Variants in FLACC1 observed in about 807,000 individuals in gnomAD.
The protein encoded by FLACC1 is flagellum-associated coiled-coil domain-containing protein 1.
A neutral mutation model predicts 62.8 loss-of-function variants in FLACC1; 66 were observed. The observed-to-expected ratio is 1.05, with a 90% CI of 0.86 to 1.29. The LOEUF is 1.29. Among genes scored for constraint, FLACC1 ranks in the 50% most tolerant of loss-of-function variants. FLACC1 has a pLI of 0.00. For missense variants in FLACC1, 452 were observed against 489.1 expected, an observed-to-expected ratio of 0.92 and a Z score of 0.71; for synonymous variants, 156 against 161.0, an observed-to-expected ratio of 0.97 and a Z score of 0.24.
At chr2:201,339,309 T>C (rs1452913516) in intron 7 of FLACC1, among the ~76,000 whole-genome samples, 12 of 152,134 alleles carry the variant, frequency 7.9e-5, no homozygotes, top group Non-Finnish European at 1.0e-4. Flanking sequence ...CTCTTGTCTT[T>C]TTTTGGTTAG....
At chr2:201,335,713 A>G (rs1950681485) in intron 7 of FLACC1, among the ~76,000 whole-genome samples, 1 of 152,108 alleles carries the variant, frequency 6.6e-6, no homozygotes, top group Admixed American at 6.6e-5. Flanking sequence ...TGTGAAGAAC[A>G]TTTTTGGTAT....
intron 7 of FLACC1, among the ~76,000 whole-genome samples, chr2:201,334,562 T>C (rs1950655637): frequency 1.3e-5 from 2 of 152,116 alleles, no homozygotes; most frequent in Admixed American, 1.3e-4. Context: ...GGCAGGCAGA[T>C]CACTTGAGGT....
Position 201,289,797 on chromosome 2 carries a change from G to A in FLACC1, c.943-12C>T, listed in dbSNP as rs1360159595. On this transcript the variant is annotated splice_polypyrimidine_tract_variant and intron_variant, in intron 12 of 14. Coordinates refer to ENST00000392257, the MANE Select transcript of FLACC1 (RefSeq NM_001127391.3). ...TCTTCCTGCATGACCTGCATAAGAA[G>A]AAGCTGTTGCAGGACATCATGCCAA... 1 of 1,614,084 alleles carries A rather than the reference G, an allele frequency of 6.2e-7. No individual in the cohort carries two copies. The highest frequency in any genetic ancestry group is 8.5e-7 in the Non-Finnish European group (1 of 1,180,034).
At chr2:201,309,538 G>C (rs1950173274) in intron 9 of FLACC1, among the ~76,000 whole-genome samples, 1 of 152,168 alleles carries the variant, frequency 6.6e-6, no homozygotes, top group Non-Finnish European at 1.5e-5. Context: ...AGCTTCCTTT[G>C]AAGAAAGGTA....
Position 201,303,511 on chromosome 2 carries a change from G to A in FLACC1, c.879+4008C>T, listed in dbSNP as rs938744126. Among the ~76,000 whole-genome samples, 4 of 152,200 alleles carry A rather than the reference G, an allele frequency of 2.6e-5. No individual in the cohort carries two copies. The South Asian group carries it at 8.3e-4, about 32-fold the overall frequency. ...AATTCTACCAGAGGTACAAGGAGGAGCTGGTACCATTCCTTTGAAACTATT... is the reference window on the plus strand; with the variant it reads ...AATTCTACCAGAGGTACAAGGAGGAACTGGTACCATTCCTTTGAAACTATT... On this transcript the variant is annotated intron_variant, in intron 11 of 14. Transcript: ENST00000392257.
intron 10 of FLACC1, among the ~76,000 whole-genome samples, chr2:201,308,614 G>A (rs1950153680): frequency 6.6e-6 from 1 of 152,092 alleles, no homozygotes; most frequent in Admixed American, 6.6e-5. Context: ...GTCCAATGGG[G>A]GTGGGAGGTG....
intron 7 of FLACC1, among the ~76,000 whole-genome samples, chr2:201,336,631 G>A (rs1033137077): frequency 6.6e-6 from 1 of 152,158 alleles, no homozygotes; most frequent in South Asian, 2.1e-4. Context: ...CCCACCAATA[G>A]TGTATAGCAT....
chr2:201,327,468 A>AG (rs1950517391), intron 9 of FLACC1, among the ~76,000 whole-genome samples: 1 of 152,258 alleles, frequency 6.6e-6, no homozygotes, highest in African/African-American at 2.4e-5. Flanking sequence ...TCAGCAAGAA[A>AG]AAAACAAATA....
At chr2:201,337,439 T>C (rs901927413) in intron 7 of FLACC1, among the ~76,000 whole-genome samples, 2 of 152,216 alleles carry the variant, frequency 1.3e-5, no homozygotes, top group African/African-American at 4.8e-5. Context: ...CAAAGATCAG[T>C]TGGCTGTAAT....
chr2:201,320,922 AAC>A (rs1226452292), intron 9 of FLACC1, among the ~76,000 whole-genome samples: 2 of 152,200 alleles, frequency 1.3e-5, no homozygotes, highest in African/African-American at 4.8e-5. Context: ...GAGGCCAACC[AAC>A]ACAGTCCATT....
At chr2:201,335,421 A>G (rs1247051535) in intron 7 of FLACC1, among the ~76,000 whole-genome samples, 1 of 152,118 alleles carries the variant, frequency 6.6e-6, no homozygotes, top group East Asian at 1.9e-4. Flanking sequence ...ACTAAAAGCC[A>G]TTTATTGAAA....
intron 1 of FLACC1, among the ~76,000 whole-genome samples, chr2:201,353,315 T>A (rs2125626581): frequency 6.6e-6 from 1 of 152,034 alleles, no homozygotes; most frequent in Admixed American, 6.5e-5. Context: ...GAAGAATGAG[T>A]GGAATGGGGA....
At chr2:201,356,645 T>G (rs184609765) in intron 1 of FLACC1, among the ~76,000 whole-genome samples, 2 of 152,346 alleles carry the variant, frequency 1.3e-5, no homozygotes, top group East Asian at 3.9e-4. Flanking sequence ...TTTTTTAAAT[T>G]ATTTGCATAA....
In FLACC1 at chr2:201,355,836, G is replaced by A. The variant is rs948288518; in HGVS notation, c.-48+1146C>T. On this transcript the variant is annotated intron_variant, in intron 1 of 14. Coordinates refer to ENST00000392257, the MANE Select transcript of FLACC1 (RefSeq NM_001127391.3). ...ACCACACCACTGCATTTCAGCCTGG[G>A]TGACAGCACAAGACCCTGTCTCTAA... is the stretch of plus-strand genomic sequence containing the variant. 2.6e-5 allele frequency among the ~76,000 whole-genome samples: 4 copies of A among 152,088 alleles called. No homozygotes were observed. In the East Asian group the frequency reaches 7.7e-4, roughly 29 times the overall value.
At chr2:201,351,181 C>A in intron 2 of FLACC1, 111 bp downstream of exon 2, 1 of 961,456 alleles carries the variant, frequency 1.0e-6, no homozygotes, top group South Asian at 1.6e-5. Flanking sequence ...GCTTTCTGGC[C>A]CACCTGGGAT....
At chr2:201,303,874 C>G (rs562541559) in intron 11 of FLACC1, among the ~76,000 whole-genome samples, 3 of 152,234 alleles carry the variant, frequency 2.0e-5, no homozygotes, top group Admixed American at 6.5e-5. Context: ...CAACAAAATT[C>G]GAAAACCATT....
intron 7 of FLACC1, among the ~76,000 whole-genome samples, chr2:201,332,352 G>A (rs918012201): frequency 2.6e-5 from 4 of 151,764 alleles, no homozygotes; most frequent in Admixed American, 6.6e-5. Context: ...GGGCTCAAGC[G>A]ATTCTCTCAC....
chr2:201,346,415 T>G lies in FLACC1; in HGVS notation c.368+127A>C. 11 of 1,353,998 alleles carry G rather than the reference T, an allele frequency of 8.1e-6. No individual in the cohort carries two copies. Among genetic ancestry groups the G allele is most frequent in the Non-Finnish European group, 1.1e-5 (11 of 992,532 alleles). The allele number at this position is 1,353,998 out of a possible 1,614,324, so 83.9% of individuals were successfully genotyped here. ...GCAGGGGCGAGGAGGGAGGTGCCCT[T>G]GCGGCCCCTCCAGAGCAGGGACCAG... On this transcript the variant is annotated intron_variant, in intron 5 of 14. Transcript: ENST00000392257. The surrounding 1 kb of genome is among the most constrained non-coding windows in gnomAD (Gnocchi z 4.0).
chr2:201,339,100 T>C (rs72934957), intron 7 of FLACC1, among the ~76,000 whole-genome samples: 13,663 of 152,190 alleles, frequency 0.09, 708 homozygotes, highest in African/African-American at 0.12. Context: ...CTACTCATTA[T>C]TGGTCTTGAA....
Sources: gnomAD v4.1 joint callset for allele counts (sites outside exome capture counted in the v4.1 genomes callset) on GRCh38, gnomAD v4.1.1 for gene constraint, Gnocchi (gnomAD v3.1) non-coding constraint, MANE v1.5 for transcripts, NCBI Gene and HGNC (gene_info 2026-07-23, HGNC 2026-07-21) for gene names.